Variants in THEMIS observed in about 807,000 individuals in gnomAD.
The protein encoded by THEMIS is protein THEMIS.
In THEMIS, 37 loss-of-function variants were observed where a neutral mutation model predicts 52.6. That is an observed-to-expected ratio of 0.70 (90% confidence interval 0.54 to 0.93). The LOEUF (loss-of-function observed/expected upper bound fraction) is 0.93, where lower values mean the gene tolerates loss of function less well. THEMIS is among the 40% of genes least tolerant of loss of function. The probability of loss-of-function intolerance (pLI) is 0.00; values close to 1 mark genes in which losing one functional copy is unlikely to be tolerated. For synonymous variants in THEMIS, 292 were observed against 272.7 expected, an observed-to-expected ratio of 1.07 and a Z score of -0.70; for missense variants, 808 against 763.1, an observed-to-expected ratio of 1.06 and a Z score of -0.69.
chr6:127,828,100 A>G (rs552705659), intron 3 of THEMIS, among the ~76,000 whole-genome samples: 2 of 152,252 alleles, frequency 1.3e-5, no homozygotes, highest in South Asian at 4.1e-4. Context: ...CCTTCCATTT[A>G]AATGCCATTT....
intron 2 of THEMIS, among the ~76,000 whole-genome samples, chr6:127,838,964 A>G (rs1018593400): frequency 6.6e-6 from 1 of 152,152 alleles, no homozygotes; most frequent in Non-Finnish European, 1.5e-5. Flanking sequence ...AGCAACATAT[A>G]GTACCATTTA....
intron 2 of THEMIS, among the ~76,000 whole-genome samples, chr6:127,847,571 C>T (rs1241778692): frequency 6.6e-6 from 1 of 151,692 alleles, no homozygotes; most frequent in Non-Finnish European, 1.5e-5. Context: ...CAAAAACCAA[C>T]CTTATATTTT....
At chr6:127,857,725 A>T (rs1562304460) in intron 1 of THEMIS, among the ~76,000 whole-genome samples, 2 of 152,002 alleles carry the variant, frequency 1.3e-5, no homozygotes, top group African/African-American at 2.4e-5. Flanking sequence ...CTGAATCAGA[A>T]CCTGTGTTTT....
intron 1 of THEMIS, among the ~76,000 whole-genome samples, chr6:127,917,725 C>T (rs1219426809): frequency 6.6e-6 from 1 of 152,168 alleles, no homozygotes; most frequent in Non-Finnish European, 1.5e-5. Flanking sequence ...GGGCCAATCA[C>T]ATTCTCTTCC....
chr6:127,910,080 A>T (rs1781373077), intron 1 of THEMIS: 2 of 152,174 alleles, frequency 1.3e-5, no homozygotes, highest in Admixed American at 6.5e-5. Flanking sequence ...GTAGCAACAG[A>T]AGAGATTTAT....
intron 1 of THEMIS, among the ~76,000 whole-genome samples, chr6:127,894,501 A>T (rs552867158): frequency 6.6e-6 from 1 of 152,136 alleles, no homozygotes; most frequent in Non-Finnish European, 1.5e-5. Flanking sequence ...TATAGGAAAC[A>T]GTTAAAAATA....
chr6:127,738,431 A>C (rs1775080963), intron 4 of THEMIS, among the ~76,000 whole-genome samples: 1 of 152,188 alleles, frequency 6.6e-6, no homozygotes, highest in African/African-American at 2.4e-5. Context: ...AAACTGAGAA[A>C]GTTCTATCTT....
intron 1 of THEMIS, among the ~76,000 whole-genome samples, chr6:127,875,488 C>T (rs1312754027): frequency 6.6e-6 from 1 of 152,178 alleles, no homozygotes; most frequent in Non-Finnish European, 1.5e-5. Context: ...TGAGTCTCTT[C>T]CCACCTTGAG....
At position 127,855,140 on chromosome 6, in the gene THEMIS, TCTC is replaced by T. The variant is rs768797253; in HGVS notation, c.137_139del (p.Gly46del). 6.2e-7 allele frequency: 1 copy of T among 1,608,662 alleles called. No homozygotes were observed. Among genetic ancestry groups the T allele is most frequent in the Non-Finnish European group, 8.5e-7 (1 of 1,177,662 alleles). On this transcript the variant is annotated inframe_deletion, in exon 2 of 6. Coordinates refer to ENST00000368248, the MANE Select transcript of THEMIS (RefSeq NM_001010923.3). ...TTTGAGACCAGTAATTTTAATCACT[TCTC>T]CTGTTGAAAAACAGCATTCATTTCC...
At chr6:127,832,314 T>C (rs1225854845) in intron 2 of THEMIS, among the ~76,000 whole-genome samples, 3 of 152,326 alleles carry the variant, frequency 2.0e-5, no homozygotes, top group Admixed American at 1.3e-4. Flanking sequence ...ATCTGTGCTT[T>C]TCCTTAAAAG....
intron 4 of THEMIS, among the ~76,000 whole-genome samples, chr6:127,730,658 A>G (rs1336958848): frequency 6.6e-6 from 1 of 152,226 alleles, no homozygotes; most frequent in African/African-American, 2.4e-5. Context: ...CATGTTTTTA[A>G]GGTTTACAAC....
At chr6:127,713,364 C>T (rs1229441484) in intron 5 of THEMIS, among the ~76,000 whole-genome samples, 1 of 151,860 alleles carries the variant, frequency 6.6e-6, no homozygotes, top group Non-Finnish European at 1.5e-5. Flanking sequence ...ATAGAATCCA[C>T]ACATAATCTG....
intron 2 of THEMIS, among the ~76,000 whole-genome samples, chr6:127,854,158 TA>T (rs986755075): frequency 6.6e-6 from 1 of 151,790 alleles, no homozygotes; most frequent in African/African-American, 2.4e-5. Context: ...AGTTTTAGTC[TA>T]CAGCAGAGGT....
intron 1 of THEMIS, among the ~76,000 whole-genome samples, chr6:127,895,696 C>T (rs963274604): frequency 4.0e-5 from 6 of 151,346 alleles, no homozygotes; most frequent in African/African-American, 1.2e-4. Context: ...GATAAAAAGA[C>T]TTTACTATTA....
chr6:127,765,157 TGGTTCTA>T (rs1400455883), intron 4 of THEMIS, among the ~76,000 whole-genome samples: 1 of 152,116 alleles, frequency 6.6e-6, no homozygotes, highest in East Asian at 1.9e-4. Flanking sequence ...AGACTCTTAA[TGGTTCTA>T]ATAACACAAA....
At chr6:127,710,138 G>C in intron 5 of THEMIS, 122 bp from the exon 6 acceptor site, 1 of 543,678 alleles carries the variant, frequency 1.8e-6, no homozygotes, top group South Asian at 3.3e-5. Flanking sequence ...ACGGTTGGAA[G>C]CAAAGCAGAA....
At chr6:127,748,052 AT>A (rs1216612480) in intron 4 of THEMIS, among the ~76,000 whole-genome samples, 1 of 152,098 alleles carries the variant, frequency 6.6e-6, no homozygotes, top group African/African-American at 2.4e-5. Flanking sequence ...AAGACACTCA[AT>A]TTTTTCCACT....
chr6:127,891,571 A>T (rs1780812550), intron 1 of THEMIS, among the ~76,000 whole-genome samples: 3 of 151,702 alleles, frequency 2.0e-5, no homozygotes, highest in Admixed American at 1.3e-4. Context: ...GAAACAAAGA[A>T]AAAGAAAGTC....
In THEMIS at chr6:127,779,105, A is replaced by G. The variant is rs879820761; in HGVS notation, c.1758+33778T>C. 1.1e-4 allele frequency among the ~76,000 whole-genome samples: 16 copies of G among 152,228 alleles called. 1 individual carries two copies. The highest frequency in any genetic ancestry group is 2.0e-4 in the Admixed American group (3 of 15,286). On this transcript the variant is annotated intron_variant, in intron 4 of 5. Transcript: ENST00000368248. ...AAAACTGAAACTACAGACTGCCTACATGTGATGATCAGTCAATCTGTCAAA... is the reference window on the plus strand; with the variant it reads ...AAAACTGAAACTACAGACTGCCTACGTGTGATGATCAGTCAATCTGTCAAA...
Sources: gnomAD v4.1 joint callset for allele counts (sites outside exome capture counted in the v4.1 genomes callset) on GRCh38, gnomAD v4.1.1 for gene constraint, MANE v1.5 for transcripts, NCBI Gene and HGNC (gene_info 2026-07-23, HGNC 2026-07-21) for gene names.